Variants in RPRD2 observed in about 807,000 individuals in gnomAD.
RPRD2 encodes the protein regulation of nuclear pre-mRNA domain-containing protein 2.
RPRD2 carries 12 observed loss-of-function variants against 104.4 expected under a neutral mutation model. The observed-to-expected ratio is 0.11, with a 90% confidence interval of 0.07 to 0.19. The LOEUF (loss-of-function observed/expected upper bound fraction) is 0.19. Among genes scored for constraint, RPRD2 ranks in the 10% least tolerant of loss-of-function variants. The pLI is 1.00. For missense variants in RPRD2, 1,543 were observed against 1,790.1 expected (o/e 0.86, Z 2.49); for synonymous variants, 714 against 684.9 (o/e 1.04, Z -0.66).
At chr1:150,407,013 C>T (rs587745457) in intron 1 of RPRD2, among the ~76,000 whole-genome samples, 3 of 152,340 alleles carry the variant, frequency 2.0e-5, no homozygotes, top group Non-Finnish European at 4.4e-5. Context: ...CCATGCCTAG[C>T]CAGTAAATTC....
chr1:150,473,491 G>A lies in RPRD2; in HGVS notation c.*157G>A, dbSNP rs1388553209. On this transcript the variant is annotated 3_prime_UTR_variant, in exon 11 of 11. Coordinates refer to ENST00000369068, the MANE Select transcript of RPRD2 (RefSeq NM_015203.5). ...AAAGTAAGAAATCACATACGCTTAC[G>A]TTTTACTATTCAATTCAATCCTCCC... 2.0e-5 allele frequency: 10 copies of A among 506,160 alleles called. No homozygotes were observed. Among genetic ancestry groups the A allele is most frequent in the East Asian group, 3.3e-5 (1 of 30,744 alleles). 31.4% of individuals were successfully genotyped at this position (506,160 alleles called of 1,614,324 possible).
intron 2 of RPRD2, among the ~76,000 whole-genome samples, chr1:150,419,656 T>C (rs1476511816): frequency 2.0e-5 from 3 of 152,098 alleles, no homozygotes; most frequent in Non-Finnish European, 2.9e-5. Flanking sequence ...AGTTTCGCTC[T>C]TGTTGCCCAG....
intron 1 of RPRD2, among the ~76,000 whole-genome samples, chr1:150,372,247 T>C (rs1414197433): frequency 6.6e-6 from 1 of 152,148 alleles, no homozygotes; most frequent in Non-Finnish European, 1.5e-5. Flanking sequence ...TCAATATTTA[T>C]CAAACACCTA....
At position 150,459,952 on chromosome 1, in the gene RPRD2, G is replaced by A. The variant is rs1667810830; in HGVS notation, c.1154-108G>A. ...GAAGTGAGTCGTTGTTTTCTCTAAA[G>A]TAGTGCCTTTTCCCCCAAGTCCGGA... is the stretch of plus-strand genomic sequence containing the variant. On this transcript the variant is annotated intron_variant, in intron 8 of 10. Coordinates refer to ENST00000369068, the MANE Select transcript of RPRD2 (RefSeq NM_015203.5). 22 of 890,998 alleles carry A rather than the reference G, an allele frequency of 2.5e-5. No individual in the cohort carries two copies. The Admixed American group carries it at 5.9e-4, about 24-fold the overall frequency. The allele number at this position is 890,998 out of a possible 1,614,324, so 55.2% of individuals were successfully genotyped here.
At chr1:150,449,356 C>CT (rs1159367316) in intron 7 of RPRD2, among the ~76,000 whole-genome samples, 2 of 152,056 alleles carry the variant, frequency 1.3e-5, no homozygotes, top group African/African-American at 4.8e-5. Flanking sequence ...GTCTGAAAAT[C>CT]TTTGACTTTG....
At position 150,364,771 on chromosome 1, in the gene RPRD2, G is replaced by C. The variant is rs782736486; in HGVS notation, c.57G>C (p.Ser19=). The C allele has an allele frequency of 1.2e-6, 2 of 1,609,738 alleles. No individual in the cohort carries two copies. Among genetic ancestry groups the C allele is most frequent in the Non-Finnish European group, 1.7e-6 (2 of 1,177,958 alleles). The part of the protein sequence containing the change: ...SSKASSSSAS[S]AGALESSLDR... ...AGGCCTCCTCCTCGTCGGCCTCTTC[G>C]GCAGGGGCTCTGGAGTCCTCGTTGG... The change falls in exon 1 of 11, where the codon TCG becomes TCC. Residue 19 remains serine (S), a synonymous_variant. Transcript: ENST00000369068.
At chr1:150,446,984 G>T (rs1666824692) in intron 7 of RPRD2, among the ~76,000 whole-genome samples, 1 of 151,974 alleles carries the variant, frequency 6.6e-6, no homozygotes, top group South Asian at 2.1e-4. Flanking sequence ...TTACAGGCAT[G>T]CACCACCATG....
intron 1 of RPRD2, among the ~76,000 whole-genome samples, chr1:150,365,457 C>A (rs587720385): frequency 6.6e-6 from 1 of 152,274 alleles, no homozygotes; most frequent in East Asian, 1.9e-4. Flanking sequence ...CTACATAGAT[C>A]TGAGGCACCA....
At chr1:150,403,634 G>A (rs184817533) in intron 1 of RPRD2, among the ~76,000 whole-genome samples, 86 of 151,408 alleles carry the variant, frequency 5.7e-4, no homozygotes, top group African/African-American at 1.2e-3. Flanking sequence ...CATTGTATGC[G>A]TCCACATTCT....
chr1:150,434,166 C>G (rs371133014), intron 2 of RPRD2, among the ~76,000 whole-genome samples: 1 of 151,126 alleles, frequency 6.6e-6, no homozygotes, highest in East Asian at 2.0e-4. Context: ...ACCAGCCTGG[C>G]CAACGTGGCA....
chr1:150,443,282 G>T lies in RPRD2; in HGVS notation c.566G>T (p.Arg189Leu). The change falls in exon 5 of 11, where the codon CGA (arginine) becomes CTA (leucine). Residue 189 changes from arginine to leucine, a missense_variant and splice_region_variant. Transcript: ENST00000369068. ...AAGTCTAAGATAGTTGCTGAATTTC[G>T]AGTAAGTTACAGAATTTGTTTAATA... is the stretch of plus-strand genomic sequence containing the variant. ...ALKSKIVAEF[R>L]SQALIEELLL... 1.3e-6 allele frequency: 2 copies of T among 1,566,562 alleles called. No homozygotes were observed. The highest frequency in any genetic ancestry group is 1.2e-5 in the South Asian group (1 of 85,210).
intron 2 of RPRD2, among the ~76,000 whole-genome samples, chr1:150,427,472 C>CA (rs111542386): frequency 0.036 from 4,521 of 125,518 alleles, 82 homozygotes; most frequent in Non-Finnish European, 0.054. Context: ...GACTCTATCT[C>CA]AAAAAAAAAA....
rs782118487 is a variant in RPRD2, at chr1:150,441,888, T to A, written c.444T>A (p.Thr148=). The change falls in exon 4 of 11, where the codon ACT becomes ACA. Residue 148 remains threonine (T), a synonymous_variant. Transcript: ENST00000369068. ...AACTGAAATGTTTTCCAGGTACCAC[T>A]TTCAAAACTCAGAAGCAGCTGAAAG... The part of the protein sequence containing the change: ...IVALREALST[T]FKTQKQLKEN... 1 of 1,612,316 alleles carries A rather than the reference T, an allele frequency of 6.2e-7. No individual in the cohort carries two copies. The highest frequency in any genetic ancestry group is 8.5e-7 in the Non-Finnish European group (1 of 1,179,184).
chr1:150,438,130 A>G (rs1553893577), intron 2 of RPRD2, among the ~76,000 whole-genome samples: 2 of 151,522 alleles, frequency 1.3e-5, no homozygotes, highest in African/African-American at 4.8e-5. Context: ...AAAAAAATAT[A>G]TATACAAAAA....
intron 1 of RPRD2, among the ~76,000 whole-genome samples, chr1:150,366,206 G>A (rs995880575): frequency 2.0e-5 from 3 of 152,282 alleles, no homozygotes; most frequent in Admixed American, 2.0e-4. Flanking sequence ...TCCTGCCTGC[G>A]GCATTTCACC....
Position 150,457,456 on chromosome 1 carries a change from C to G in RPRD2, c.1039C>G (p.Gln347Glu). 1 of 1,613,912 alleles carries G rather than the reference C, an allele frequency of 6.2e-7. No individual in the cohort carries two copies. The highest frequency in any genetic ancestry group is 8.5e-7 in the Non-Finnish European group (1 of 1,179,864). The stretch of plus-strand genomic sequence containing the variant: ...TCAGGGAATGGGAGGTGAGGAATCC[C>G]AGTCACCAACCATGGAGAGTGAGAA... ...PFQGMGGEES[Q>E]SPTMESEKSA... Residue 347 changes from glutamine to glutamate, a missense_variant, in exon 8 of 11, where the codon CAG becomes GAG. Transcript: ENST00000369068.
chr1:150,468,595 G>A (rs1325011084), intron 10 of RPRD2, among the ~76,000 whole-genome samples: 1 of 152,002 alleles, frequency 6.6e-6, no homozygotes, highest in East Asian at 1.9e-4. Flanking sequence ...AATTAAATCA[G>A]GCTGGGCATG....
intron 2 of RPRD2, among the ~76,000 whole-genome samples, chr1:150,425,643 CAA>C (rs59789751): frequency 5.8e-5 from 8 of 137,404 alleles, no homozygotes; most frequent in Non-Finnish European, 7.9e-5. Flanking sequence ...AACTCCGTCT[CAA>C]AAAAAAAAAA....
At chr1:150,443,940 C>T (rs1048919776) in intron 5 of RPRD2, among the ~76,000 whole-genome samples, 3 of 152,002 alleles carry the variant, frequency 2.0e-5, no homozygotes, top group Admixed American at 2.0e-4. Context: ...ATGGCATGAA[C>T]CCGGGAGGCG....
Sources: allele counts gnomAD v4.1 joint callset (sites outside exome capture counted in the v4.1 genomes callset), GRCh38; gene constraint gnomAD v4.1.1; transcripts MANE v1.5; gene names NCBI Gene and HGNC (gene_info 2026-07-23, HGNC 2026-07-21).